The following ALPG variants were observed in gnomAD, a reference collection of about 807,000 sequenced individuals.
ALPG encodes the protein alkaline phosphatase, germ cell type.
Under a neutral mutation model 48.6 loss-of-function variants are expected in ALPG, and 32 were observed. The ratio of observed to expected loss-of-function variants is 0.66; its 90% CI spans 0.50 to 0.88. The LOEUF (loss-of-function observed/expected upper bound fraction) is 0.88. Ranked by LOEUF, ALPG falls within the 40% of genes least tolerant of loss-of-function variation. The pLI is 0.00. For missense variants in ALPG, 533 were observed against 718.1 expected (o/e 0.74, Z 2.95); for synonymous variants, 244 against 308.9 (o/e 0.79, Z 2.20).
chr2:232,407,817 C>T (rs1251676561), intron 4 of ALPG, 28 bp from the exon 5 acceptor site: 17 of 1,613,570 alleles, frequency 1.1e-5, no homozygotes, highest in East Asian at 2.2e-5. Flanking sequence ...AGACCTCTAT[C>T]GCATATCCTG....
chr2:232,409,866 T>A lies in ALPG; in HGVS notation c.1593T>A (p.Ala531=). Residue 531 remains alanine, a synonymous_variant, in exon 11 of 11, where the codon GCT becomes GCA. Transcript: ENST00000295453. ...GTLLLLGTAT[A]P is the part of the protein sequence containing the mutation. The stretch of plus-strand genomic sequence containing the variant: ...TGCTGCTGCTGGGGACGGCCACTGC[T>A]CCCTGAGTGTCCCGTCCCTGGGGCT... 1 of 1,564,706 alleles carries A rather than the reference T, an allele frequency of 6.4e-7. No individual in the cohort carries two copies. Among genetic ancestry groups the A allele is most frequent in the East Asian group, 2.3e-5 (1 of 43,408 alleles).
In ALPG at chr2:232,407,132, CACAG is replaced by C. The variant is rs1697097250; in HGVS notation, c.148_151del (p.Thr50ProfsTer18). The C allele has an allele frequency of 1.2e-6, 2 of 1,613,876 alleles. No individual in the cohort carries two copies. The highest frequency in any genetic ancestry group is 3.3e-5 in the Admixed American group (2 of 59,990). On this transcript the variant is annotated frameshift_variant, in exon 2 of 11. Transcript: ENST00000295453. LOFTEE classifies it high-confidence loss of function. ...GGTGCCGCCAAGAAGCTGCAGCCTGCACAGACAGCCGCCAAGAACCTCATCATCT... is the reference window on the plus strand; with the variant it reads ...GGTGCCGCCAAGAAGCTGCAGCCTGCACAGCCGCCAAGAACCTCATCATCT...
Position 232,409,850 on chromosome 2 carries a change from T to C in ALPG, c.1577T>C (p.Leu526Pro), listed in dbSNP as rs1317218429. The C allele has an allele frequency of 1.3e-6, 2 of 1,580,168 alleles. No individual in the cohort carries two copies. The highest frequency in any genetic ancestry group is 2.7e-5 in the African/African-American group (2 of 74,296). ...LPLLAGTLLL[L>P]GTATAP ...CTGCTGGCAGGGACCTTGCTGCTGC[T>C]GGGGACGGCCACTGCTCCCTGAGTG... The change falls in exon 11 of 11, where the codon CTG (leucine) becomes CCG (proline). Residue 526 changes from leucine (L) to proline (P), a missense_variant. By Grantham distance (98) the Leu-to-Pro change is moderately conservative. Transcript: ENST00000295453.
Position 232,408,704 on chromosome 2 carries a change from G to C in ALPG, c.857G>C (p.Gly286Ala), listed in dbSNP as rs1244884304. Residue 286 changes from glycine to alanine, a missense_variant and splice_region_variant, in exon 8 of 11, where the codon GGT becomes GCT. Gly to Ala is a moderately conservative substitution (Grantham distance 60). This residue lies in a region of ALPG where 17 missense variants were observed against 56.2 expected (regional missense o/e 0.30). Coordinates refer to ENST00000295453, the MANE Select transcript of ALPG (RefSeq NM_031313.3). ...CACCACAGGACCCCTTGTCCCACAG[G>C]TCTCTTTGAGCCTGGAGACATGAAA... The part of the protein sequence containing the change: ...SLDPSVTHLM[G>A]LFEPGDMKYE... 6.1e-6 allele frequency: 9 copies of C among 1,464,856 alleles called. 3 individuals are homozygous for C. The highest frequency in any genetic ancestry group is 8.4e-6 in the Non-Finnish European group (9 of 1,070,664). 90.7% of individuals were successfully genotyped at this position (1,464,856 alleles called of 1,614,324 possible).
Position 232,407,985 on chromosome 2 carries a change from G to C in ALPG, c.616G>C (p.Ala206Pro). The change falls in exon 5 of 11, where the codon GCC (alanine) becomes CCC (proline). Residue 206 changes from alanine to proline, a missense_variant. By Grantham distance (27) the Ala-to-Pro change is conservative (BLOSUM62 -1). Coordinates refer to ENST00000295453, the MANE Select transcript of ALPG (RefSeq NM_031313.3). ...CCGCCAGGAGGGGTGCCAGGACATC[G>C]CCACGCAGCTCATCTCCAACATGGA... ...SARQEGCQDI[A>P]TQLISNMDID... 8 of 1,612,694 alleles carry C rather than the reference G, an allele frequency of 5.0e-6. No homozygotes were observed. The highest frequency in any genetic ancestry group is 6.8e-6 in the Non-Finnish European group (8 of 1,179,734).
At position 232,407,590 on chromosome 2, in the gene ALPG, C is replaced by T; in HGVS notation, c.301-4C>T. On this transcript the variant is annotated splice_region_variant and splice_polypyrimidine_tract_variant and intron_variant, in intron 3 of 10. Coordinates refer to ENST00000295453, the MANE Select transcript of ALPG (RefSeq NM_031313.3). ...AGAAGAGCTCAGAGTGTCTCTGTCC[C>T]CAGACATACAGTGTAGACAAGCATG... is the stretch of plus-strand genomic sequence containing the variant. The T allele has an allele frequency of 6.2e-7, 1 of 1,613,792 alleles. No individual in the cohort carries two copies. The highest frequency in any genetic ancestry group is 1.3e-5 in the African/African-American group (1 of 75,028).
Position 232,407,783 on chromosome 2 carries a change from G to A in ALPG, c.475+15G>A, listed in dbSNP as rs755888153. On this transcript the variant is annotated intron_variant, in intron 4 of 10. Coordinates refer to ENST00000295453, the MANE Select transcript of ALPG (RefSeq NM_031313.3). ...CAAGAAAGCAGGTGAGCTGGGGCCCGCTGTGGGGTCAGGGCCAGGTGACAG... is the reference window on the plus strand; with the variant it reads ...CAAGAAAGCAGGTGAGCTGGGGCCCACTGTGGGGTCAGGGCCAGGTGACAG... 9.9e-6 allele frequency: 16 copies of A among 1,613,808 alleles called. No individual in the cohort carries two copies. The highest frequency in any genetic ancestry group is 3.3e-5 in the Admixed American group (2 of 60,026).
intron 9 of ALPG, 58 bp from the exon 10 acceptor site, chr2:232,409,274 C>T: frequency 6.6e-7 from 1 of 1,521,872 alleles, no homozygotes; most frequent in South Asian, 1.1e-5. Context: ...GTGCCTAGCA[C>T]GTGGGAGACA....
rs544669837 is a variant in ALPG, at chr2:232,410,190, C to T, written c.*318C>T. ...CATATCCTGAGGTGGATCAGGCAGG[C>T]TCTCTCCCCGGGGACATGAGGCACC... On this transcript the variant is annotated 3_prime_UTR_variant, in exon 11 of 11. Transcript: ENST00000295453. 8.6e-4 allele frequency: 408 copies of T among 473,698 alleles called. 4 individuals are homozygous for T. The highest frequency in any genetic ancestry group is 4.8e-4 in the Non-Finnish European group (129 of 267,262). 29.3% of individuals were successfully genotyped at this position (473,698 alleles called of 1,614,324 possible). A position where few individuals can be genotyped will look rare whatever the true frequency, so the allele number is the denominator to read the frequency against.
Position 232,407,930 on chromosome 2 carries a change from G to C in ALPG, c.561G>C (p.Trp187Cys), listed in dbSNP as rs1431017547. The C allele has an allele frequency of 6.2e-7, 1 of 1,613,466 alleles. No homozygotes were observed. Among genetic ancestry groups the C allele is most frequent in the Admixed American group, 1.7e-5 (1 of 60,026 alleles). Residue 187 changes from tryptophan to cysteine, a missense_variant, in exon 5 of 11, where the codon TGG (tryptophan) becomes TGC (cysteine). Around this residue, in one of 6 missense-constraint regions of ALPG, gnomAD observed 315 missense variants for 305.8 expected, o/e 1.03. Coordinates refer to ENST00000295453, the MANE Select transcript of ALPG (RefSeq NM_031313.3). ...ACGCCCACACGGTGAACCGCAACTG[G>C]TACTCGGATGCCGACGTGCCTGCCT... Reference protein sequence around the residue: ...GAYAHTVNRNWYSDADVPASA... With the variant: ...GAYAHTVNRNCYSDADVPASA...
In ALPG at chr2:232,406,909, G is replaced by C; in HGVS notation, c.15G>C (p.Trp5Cys). 8 of 1,612,502 alleles carry C rather than the reference G, an allele frequency of 5.0e-6. No individual in the cohort carries two copies. The highest frequency in any genetic ancestry group is 6.8e-6 in the Non-Finnish European group (8 of 1,179,748). The stretch of plus-strand genomic sequence containing the variant: ...TGCTTCCAGACATGCAGGGGCCCTG[G>C]GTGCTGCTCCTGCTGGGCCTGAGGC... MQGP[W>C]VLLLLGLRLQ... is the part of the protein sequence containing the mutation. The change falls in exon 1 of 11, where the codon TGG becomes TGC. Residue 5 changes from tryptophan (W) to cysteine (C), a missense_variant. By Grantham distance (215) the Trp-to-Cys change is radical. This residue lies in a region of ALPG where 315 missense variants were observed against 305.8 expected (regional missense o/e 1.03). Transcript: ENST00000295453.
chr2:232,409,932 A>G lies in ALPG; in HGVS notation c.*60A>G. The G allele has an allele frequency of 6.8e-7, 1 of 1,479,710 alleles. No individual in the cohort carries two copies. The highest frequency in any genetic ancestry group is 2.5e-5 in the East Asian group (1 of 40,490). 91.7% of individuals were successfully genotyped at this position (1,479,710 alleles called of 1,614,324 possible). On this transcript the variant is annotated 3_prime_UTR_variant, in exon 11 of 11. Coordinates refer to ENST00000295453, the MANE Select transcript of ALPG (RefSeq NM_031313.3). ...CGGAGTTCCCCTGCTCCCCACCTCC[A>G]GTCGTCCTGCCGGACCTCCACCTGG...
Position 232,410,040 on chromosome 2 carries a change from A to G in ALPG, c.*168A>G. 1 of 1,073,320 alleles carries G rather than the reference A, an allele frequency of 9.3e-7. No individual in the cohort carries two copies. Among genetic ancestry groups the G allele is most frequent in the Non-Finnish European group, 1.3e-6 (1 of 771,486 alleles). The allele number at this position is 1,073,320 out of a possible 1,614,324, so 66.5% of individuals were successfully genotyped here. ...GTGCACCCTGGGGACCGAGCCCTTG[A>G]CACCACGCCCTTTGCTTTATCTTGC... On this transcript the variant is annotated 3_prime_UTR_variant, in exon 11 of 11. Coordinates refer to ENST00000295453, the MANE Select transcript of ALPG (RefSeq NM_031313.3).
chr2:232,409,520 C>T, intron 10 of ALPG, 54 bp from the exon 11 acceptor site: 1 of 1,611,016 alleles, frequency 6.2e-7, no homozygotes, highest in Non-Finnish European at 8.5e-7. Context: ...GAAGGGGTCA[C>T]CTCTTGTCTG....
rs199703649 is a variant in ALPG, at chr2:232,408,549, G to A, written c.832G>A (p.Asp278Asn). The change falls in exon 7 of 11, where the codon GAC becomes AAC. Residue 278 changes from aspartate (D) to asparagine (N), a missense_variant. Physicochemically the swap from Asp to Asn is conservative, Grantham distance 23. This residue lies in a region of ALPG where 40 missense variants were observed against 74.5 expected (regional missense o/e 0.54). Coordinates refer to ENST00000295453, the MANE Select transcript of ALPG (RefSeq NM_031313.3). ...NRTELLQASL[D>N]PSVTHLMGLF... is the part of the protein sequence containing the mutation. Reference sequence around the variant, plus strand: ...CACTGAGCTCCTGCAGGCTTCCCTGGACCCGTCTGTGACCCATCTCATGGG... The same window carrying A: ...CACTGAGCTCCTGCAGGCTTCCCTGAACCCGTCTGTGACCCATCTCATGGG... The A allele has an allele frequency of 1.8e-5, 28 of 1,555,624 alleles. 1 individual carries two copies. Among genetic ancestry groups the A allele is most frequent in the Middle Eastern group, 1.7e-4 (1 of 5,748 alleles).
intron 2 of ALPG, 37 bp downstream of exon 2, chr2:232,407,210 C>G: frequency 6.2e-7 from 1 of 1,613,984 alleles, no homozygotes; most frequent in Non-Finnish European, 8.5e-7. Context: ...GCAGCCCTCA[C>G]AGCCCCGGCG....
rs756520748 is a variant in ALPG at position 232,409,385 on chromosome 2, G to A, written c.1237G>A (p.Gly413Arg). The stretch of plus-strand genomic sequence containing the variant: ...GAAGGCCTACACGGTCCTCCTATAC[G>A]GAAACGGTCCAGGCTATGTGCTCAA... ...DRKAYTVLLY[G>R]NGPGYVLKDG... Residue 413 changes from glycine to arginine, a missense_variant, in exon 10 of 11, where the codon GGA becomes AGA. By Grantham distance (125) the Gly-to-Arg change is moderately radical. Coordinates refer to ENST00000295453, the MANE Select transcript of ALPG (RefSeq NM_031313.3). 1.9e-6 allele frequency: 3 copies of A among 1,587,818 alleles called. No homozygotes were observed. The highest frequency in any genetic ancestry group is 1.7e-5 in the Admixed American group (1 of 58,186).
rs1697163175 is a variant in ALPG at position 232,410,114 on chromosome 2, A to T, written c.*242A>T. The T allele has an allele frequency of 1.6e-6, 1 of 630,448 alleles. No homozygotes were observed. 39.1% of individuals were successfully genotyped at this position (630,448 alleles called of 1,614,324 possible). ...CAGGGACTGGGGATTTGTGCCTGGCAGCTGCCTGCATTTCAGGAAAAGAGG... is the reference window on the plus strand; with the variant it reads ...CAGGGACTGGGGATTTGTGCCTGGCTGCTGCCTGCATTTCAGGAAAAGAGG... On this transcript the variant is annotated 3_prime_UTR_variant, in exon 11 of 11. Transcript: ENST00000295453.
At position 232,409,767 on chromosome 2, in the gene ALPG, C is replaced by A; in HGVS notation, c.1494C>A (p.Arg498=). ...EPYTACDLAP[R]AGTTDAAHPG... is the part of the protein sequence containing the mutation. ...ACACCGCCTGCGACCTGGCGCCCCG[C>A]GCCGGCACCACCGACGCCGCGCACC... Residue 498 remains arginine (R), a synonymous_variant, in exon 11 of 11, where the codon CGC becomes CGA. Transcript: ENST00000295453. 3.1e-6 allele frequency: 5 copies of A among 1,606,934 alleles called. No homozygotes were observed. In the South Asian group the frequency reaches 5.5e-5, roughly 18 times the overall value.
Sources: allele counts gnomAD v4.1 joint callset, GRCh38; gene constraint gnomAD v4.1.1; regional missense constraint gnomAD v4.1.1; transcripts MANE v1.5; gene names NCBI Gene and HGNC (gene_info 2026-07-23, HGNC 2026-07-21).